Variants in SLC22A23 observed in about 807,000 individuals in gnomAD.
SLC22A23 encodes solute carrier family 22 member 23.
Under a neutral mutation model 61.0 loss-of-function variants are expected in SLC22A23, and 26 were observed. The observed-to-expected ratio is 0.43, with a 90% CI of 0.31 to 0.59. SLC22A23 has a LOEUF of 0.59. Among genes scored for constraint, SLC22A23 ranks in the 20% least tolerant of loss-of-function variants. The pLI is 0.11. For missense variants in SLC22A23, 796 were observed against 934.7 expected (o/e 0.85, Z 1.94); for synonymous variants, 430 against 413.9 (o/e 1.04, Z -0.47).
chr6:3,383,797 G>T (rs1398146885), intron 3 of SLC22A23, among the ~76,000 whole-genome samples: 2 of 152,262 alleles, frequency 1.3e-5, no homozygotes, highest in Non-Finnish European at 2.9e-5. Context: ...GCGGGCGACG[G>T]GGCTGAGAGG....
intron 2 of SLC22A23, among the ~76,000 whole-genome samples, chr6:3,411,615 T>G (rs1037455931): frequency 6.8e-6 from 1 of 146,786 alleles, no homozygotes; most frequent in Non-Finnish European, 1.5e-5. Context: ...ATGCAAATTA[T>G]ATGTCAATAA....
At chr6:3,365,238 C>T (rs113503701) in intron 3 of SLC22A23, among the ~76,000 whole-genome samples, 5,930 of 152,266 alleles carry the variant, frequency 0.039, 403 homozygotes, top group African/African-American at 0.13. Flanking sequence ...AGGAGAATCA[C>T]TTGAACCCGG....
At chr6:3,275,529 A>G (rs996613894) in intron 9 of SLC22A23, among the ~76,000 whole-genome samples, 6 of 152,242 alleles carry the variant, frequency 3.9e-5, no homozygotes, top group Non-Finnish European at 4.4e-5. Context: ...AAAAAAGACC[A>G]TAGACTGGGA....
intron 1 of SLC22A23, among the ~76,000 whole-genome samples, chr6:3,425,688 A>G (rs1024137847): frequency 6.6e-6 from 1 of 152,086 alleles, no homozygotes; most frequent in Non-Finnish European, 1.5e-5. Context: ...TGTGCTAGGG[A>G]CTCTGCCAGC....
At chr6:3,338,749 AAG>A (rs997566680) in intron 3 of SLC22A23, among the ~76,000 whole-genome samples, 1 of 152,272 alleles carries the variant, frequency 6.6e-6, no homozygotes, top group Non-Finnish European at 1.5e-5. Flanking sequence ...GTTTGTAATA[AAG>A]AGAACAATGC....
At chr6:3,357,856 G>T (rs1037961640) in intron 3 of SLC22A23, among the ~76,000 whole-genome samples, 11 of 152,222 alleles carry the variant, frequency 7.2e-5, no homozygotes, top group African/African-American at 2.7e-4. Flanking sequence ...ATGGGGTTCT[G>T]TGCTACAGGA....
rs6929492 is a variant in SLC22A23, at chr6:3,283,323, T to G, written c.1703+529A>C. 4.0e-3 allele frequency: 697 copies of G among 173,734 alleles called. 8 individuals carry two copies. Among genetic ancestry groups the G allele is most frequent in the African/African-American group, 0.016 (662 of 42,046 alleles). 10.8% of individuals were successfully genotyped at this position (173,734 alleles called of 1,614,324 possible). A position where few individuals can be genotyped will look rare whatever the true frequency, so the allele number is the denominator to read the frequency against. On this transcript the variant is annotated intron_variant, in intron 9 of 9. Coordinates refer to ENST00000406686, the MANE Select transcript of SLC22A23 (RefSeq NM_015482.2). The stretch of plus-strand genomic sequence containing the variant: ...GGCGCACACCTATAATCCCAGCTAC[T>G]CTGGAGGCTGAGGCAGGAGAATCAC...
intron 3 of SLC22A23, among the ~76,000 whole-genome samples, chr6:3,406,186 A>C (rs923345030): frequency 2.6e-5 from 4 of 152,170 alleles, no homozygotes; most frequent in African/African-American, 4.8e-5. Flanking sequence ...TCAAGTTAGA[A>C]GAGACACTTT....
chr6:3,376,985 C>T (rs1766612295), intron 3 of SLC22A23, among the ~76,000 whole-genome samples: 1 of 151,328 alleles, frequency 6.6e-6, no homozygotes, highest in Admixed American at 6.6e-5. Flanking sequence ...GGGGGAAGGG[C>T]TGGGTGGAGA....
At chr6:3,289,962 C>T in intron 5 of SLC22A23, 96 bp from the exon 6 acceptor site, 1 of 807,738 alleles carries the variant, frequency 1.2e-6, no homozygotes, top group Non-Finnish European at 2.1e-6. Context: ...GTTCGGGTAC[C>T]ACAGAAGGGA....
intron 3 of SLC22A23, among the ~76,000 whole-genome samples, chr6:3,382,432 T>C (rs17136495): frequency 0.013 from 1,974 of 152,350 alleles, 45 homozygotes; most frequent in African/African-American, 0.04. Flanking sequence ...TCAACTTTTA[T>C]TTTGCCTCAA....
At chr6:3,334,407 C>T (rs1004646960) in intron 3 of SLC22A23, among the ~76,000 whole-genome samples, 4 of 152,180 alleles carry the variant, frequency 2.6e-5, no homozygotes, top group Admixed American at 2.0e-4. Context: ...GCGATTCACC[C>T]GCCTCGGCCT....
chr6:3,345,145 A>G (rs1353070537), intron 3 of SLC22A23, among the ~76,000 whole-genome samples: 2 of 152,202 alleles, frequency 1.3e-5, no homozygotes, highest in East Asian at 1.9e-4. Flanking sequence ...CTTCTACTAC[A>G]TTCCCAAATT....
At position 3,272,802 on chromosome 6, in the gene SLC22A23, G is replaced by A. The variant is rs1401615105; in HGVS notation, c.*253C>T. 1.3e-5 allele frequency: 5 copies of A among 397,186 alleles called. No homozygotes were observed. The highest frequency in any genetic ancestry group is 1.8e-5 in the Non-Finnish European group (4 of 221,700). 24.6% of individuals were successfully genotyped at this position (397,186 alleles called of 1,614,324 possible). Reference sequence around the variant, plus strand: ...AGGGAGAGGGAATAAAGTGCTTCTCGTAAAAATGACCAAAATAAATACACA... The same window carrying A: ...AGGGAGAGGGAATAAAGTGCTTCTCATAAAAATGACCAAAATAAATACACA... On this transcript the variant is annotated 3_prime_UTR_variant, in exon 10 of 10. Coordinates refer to ENST00000406686, the MANE Select transcript of SLC22A23 (RefSeq NM_015482.2).
Position 3,400,522 on chromosome 6 carries a change from C to T in SLC22A23, c.913+9666G>A, listed in dbSNP as rs576471540. ...AACATGCAAATGTCCACCAACACTT[C>T]CCTGGAACTTCATGGTTTTACAGAT... On this transcript the variant is annotated intron_variant, in intron 3 of 9. Transcript: ENST00000406686. Among the ~76,000 whole-genome samples, 332 of 152,334 alleles carry T rather than the reference C, an allele frequency of 2.2e-3. 1 individual carries two copies. Among genetic ancestry groups the T allele is most frequent in the Non-Finnish European group, 3.9e-3 (263 of 68,024 alleles).
At position 3,405,540 on chromosome 6, in the gene SLC22A23, T is replaced by C. The variant is rs182569774; in HGVS notation, c.913+4648A>G. Among the ~76,000 whole-genome samples the C allele has an allele frequency of 8.1e-4, 124 of 152,202 alleles. 2 individuals are homozygous for C. The highest frequency in any genetic ancestry group is 3.4e-3 in the Middle Eastern group (1 of 294). On this transcript the variant is annotated intron_variant, in intron 3 of 9. Coordinates refer to ENST00000406686, the MANE Select transcript of SLC22A23 (RefSeq NM_015482.2). ...CCCACAAGGTAGCTGAAGCCATTTC[T>C]AGTTGACATCGGCAATCTCCATTCT...
intron 1 of SLC22A23, among the ~76,000 whole-genome samples, chr6:3,448,620 A>ATAT (rs1772028658): frequency 6.6e-6 from 1 of 152,052 alleles, no homozygotes; most frequent in South Asian, 2.1e-4. Flanking sequence ...CAGCCTCCCG[A>ATAT]GTAGCTGGGA....
chr6:3,346,208 C>T (rs983869868), intron 3 of SLC22A23, among the ~76,000 whole-genome samples: 7 of 152,140 alleles, frequency 4.6e-5, no homozygotes, highest in South Asian at 2.1e-4. Flanking sequence ...GACAGGCCAG[C>T]GCCACCTCTG....
rs564143277 is a variant in SLC22A23 at position 3,330,440 on chromosome 6, G to C, written c.914-6438C>G. ...AACTGCAGGGAGCTTCCTCTTACTC[G>C]CTGGCCTCACCATCTCCCAGACCAC... is the stretch of plus-strand genomic sequence containing the variant. On this transcript the variant is annotated intron_variant, in intron 3 of 9. Coordinates refer to ENST00000406686, the MANE Select transcript of SLC22A23 (RefSeq NM_015482.2). This position sits in a 1 kb window ranked among gnomAD's most constrained non-coding sequence, Gnocchi z 4.7. Among the ~76,000 whole-genome samples, 2 of 152,040 alleles carry C rather than the reference G, an allele frequency of 1.3e-5. No homozygotes were observed. The highest frequency in any genetic ancestry group is 4.1e-4 in the South Asian group (2 of 4,828).
Sources: gnomAD v4.1 joint callset for allele counts (sites outside exome capture counted in the v4.1 genomes callset) on GRCh38, gnomAD v4.1.1 for gene constraint, Gnocchi (gnomAD v3.1) non-coding constraint, MANE v1.5 for transcripts, NCBI Gene and HGNC (gene_info 2026-07-23, HGNC 2026-07-21) for gene names.